Variants in GNG7 observed in about 807,000 individuals in gnomAD.
GNG7 encodes G protein subunit gamma 7.
GNG7 carries 1 observed loss-of-function variant against 4.0 expected under a neutral mutation model. That is an observed-to-expected ratio of 0.25 (90% CI 0.09 to 1.18). The LOEUF (loss-of-function observed/expected upper bound fraction) is 1.18. GNG7 is among the 50% of genes most tolerant of loss of function. The pLI, the probability that GNG7 is intolerant of heterozygous loss-of-function variation, is 0.50. For synonymous variants in GNG7, 34 were observed against 36.9 expected, an observed-to-expected ratio of 0.92 and a Z score of 0.29; for missense variants, 86 against 91.9, an observed-to-expected ratio of 0.94 and a Z score of 0.26.
intron 1 of GNG7, among the ~76,000 whole-genome samples, chr19:2,670,964 A>AG (rs1388976261): frequency 6.6e-6 from 1 of 152,034 alleles, no homozygotes; most frequent in East Asian, 1.9e-4. Flanking sequence ...GGAGGGAGAG[A>AG]GGGGGTGAAT....
chr19:2,679,878 C>T (rs1276982921), intron 1 of GNG7, among the ~76,000 whole-genome samples: 1 of 152,120 alleles, frequency 6.6e-6, no homozygotes, highest in Non-Finnish European at 1.5e-5. Flanking sequence ...CTCAGTAGTC[C>T]CAGATGTGAA....
chr19:2,661,155 G>A (rs1983133567), intron 1 of GNG7, among the ~76,000 whole-genome samples: 1 of 147,580 alleles, frequency 6.8e-6, no homozygotes, highest in African/African-American at 2.5e-5. Flanking sequence ...AGGTTGCAGT[G>A]AGCCAAGATC....
intron 3 of GNG7, among the ~76,000 whole-genome samples, chr19:2,530,080 G>C (rs1341799690): frequency 6.6e-6 from 1 of 152,246 alleles, no homozygotes; most frequent in Non-Finnish European, 1.5e-5. Context: ...TGGATTAGCA[G>C]CTAAGGACAA....
intron 2 of GNG7, among the ~76,000 whole-genome samples, chr19:2,595,952 C>T (rs1981005598): frequency 6.6e-6 from 1 of 152,052 alleles, no homozygotes; most frequent in African/African-American, 2.4e-5. Context: ...CGGCTCTGTC[C>T]ATCAACGACC....
intron 2 of GNG7, among the ~76,000 whole-genome samples, chr19:2,561,087 C>T (rs1406989264): frequency 6.6e-6 from 1 of 152,156 alleles, no homozygotes; most frequent in Non-Finnish European, 1.5e-5. Flanking sequence ...GGACTCACCT[C>T]CTCTCTCCCT....
At chr19:2,635,096 G>A (rs1013552298) in intron 2 of GNG7, among the ~76,000 whole-genome samples, 97 of 152,354 alleles carry the variant, frequency 6.4e-4, no homozygotes, top group African/African-American at 2.3e-3. Context: ...GGCACTGCAG[G>A]CTGCTGAGCA....
At chr19:2,533,200 A>C (rs1270851169) in intron 3 of GNG7, among the ~76,000 whole-genome samples, 2 of 149,340 alleles carry the variant, frequency 1.3e-5, no homozygotes, top group Non-Finnish European at 3.0e-5. Flanking sequence ...TACATTATTC[A>C]ATATTAAATA....
chr19:2,542,881 C>CT (rs60152060), intron 3 of GNG7, among the ~76,000 whole-genome samples: 11,004 of 118,272 alleles, frequency 0.093, 696 homozygotes, highest in African/African-American at 0.17. Flanking sequence ...TGCTGTTTTC[C>CT]TTTTTTTTTT....
intron 2 of GNG7, among the ~76,000 whole-genome samples, chr19:2,624,267 C>T (rs1309475572): frequency 1.3e-5 from 2 of 152,132 alleles, no homozygotes; most frequent in Non-Finnish European, 2.9e-5. Context: ...CGGTGGCTCA[C>T]GCCTGTAATC....
intron 1 of GNG7, among the ~76,000 whole-genome samples, chr19:2,667,736 G>A (rs950318664): frequency 6.1e-4 from 93 of 152,168 alleles, no homozygotes; most frequent in African/African-American, 2.0e-3. Context: ...CCAACATGGT[G>A]AAACCCCGTC....
At position 2,614,545 on chromosome 19, in the gene GNG7, G is replaced by A. The variant is rs538244725; in HGVS notation, c.-78+31679C>T. ...TCATAGAAATAGGATGACACACTGTGTGGCCTTTTGGATCTGGCATCTCTC... is the reference window on the plus strand; with the variant it reads ...TCATAGAAATAGGATGACACACTGTATGGCCTTTTGGATCTGGCATCTCTC... On this transcript the variant is annotated intron_variant, in intron 2 of 4. Coordinates refer to ENST00000382159, the MANE Select transcript of GNG7 (RefSeq NM_052847.3). The surrounding 1 kb of genome is among the most constrained non-coding windows in gnomAD (Gnocchi z 6.0). Among the ~76,000 whole-genome samples, 2 of 152,180 alleles carry A rather than the reference G, an allele frequency of 1.3e-5. No homozygotes were observed. Among genetic ancestry groups the A allele is most frequent in the Non-Finnish European group, 2.9e-5 (2 of 68,024 alleles).
intron 4 of GNG7, among the ~76,000 whole-genome samples, chr19:2,520,342 G>A (rs1315171707): frequency 6.6e-6 from 1 of 152,228 alleles, no homozygotes; most frequent in Non-Finnish European, 1.5e-5. Context: ...AAAGCGCTCT[G>A]TCACGATGAC....
In GNG7 at chr19:2,514,447, G is replaced by T. The variant is rs1972698694; in HGVS notation, c.*575C>A. On this transcript the variant is annotated 3_prime_UTR_variant, in exon 5 of 5. Transcript: ENST00000382159. ...GCGACGGGTTCAACCATCACAATCC[G>T]AGTTTAGCCGTATGGAGTAACAATT... The T allele has an allele frequency of 6.5e-6, 1 of 153,208 alleles. No homozygotes were observed. Among genetic ancestry groups the T allele is most frequent in the Non-Finnish European group, 1.5e-5 (1 of 68,964 alleles). The allele number at this position is 153,208 out of a possible 1,614,324, so 9.5% of individuals were successfully genotyped here.
intron 3 of GNG7, among the ~76,000 whole-genome samples, chr19:2,540,073 C>CCTCT (rs3049063): frequency 7.0e-5 from 9 of 129,024 alleles, no homozygotes; most frequent in African/African-American, 1.5e-4. Flanking sequence ...CTCCTCCCTC[C>CCTCT]CTCTCTCTCT....
chr19:2,691,989 G>T (rs540772075), intron 1 of GNG7, among the ~76,000 whole-genome samples: 2 of 152,206 alleles, frequency 1.3e-5, no homozygotes, highest in Admixed American at 6.5e-5. Context: ...GAGCCCCCAG[G>T]GGGTGGGGGA....
In GNG7 at chr19:2,563,337, G is replaced by A. The variant is rs889058059; in HGVS notation, c.-77-8149C>T. Among the ~76,000 whole-genome samples the A allele has an allele frequency of 3.9e-5, 6 of 152,234 alleles. No individual in the cohort carries two copies. In the East Asian group the frequency reaches 7.7e-4, roughly 20 times the overall value. The stretch of plus-strand genomic sequence containing the variant: ...CATTCTCTGGGGTGGGGCCGTCCTC[G>A]GCACTGTAGGCTGCTGAGCAGCGTC... On this transcript the variant is annotated intron_variant, in intron 2 of 4. Coordinates refer to ENST00000382159, the MANE Select transcript of GNG7 (RefSeq NM_052847.3).
intron 1 of GNG7, among the ~76,000 whole-genome samples, chr19:2,681,042 G>A (rs559664906): frequency 1.9e-4 from 29 of 152,160 alleles, no homozygotes; most frequent in African/African-American, 4.8e-4. Flanking sequence ...GAGGACTGAC[G>A]CGGAGCATGT....
intron 4 of GNG7, among the ~76,000 whole-genome samples, chr19:2,520,092 A>G (rs375375353): frequency 6.6e-6 from 1 of 152,212 alleles, no homozygotes; most frequent in African/African-American, 2.4e-5. Context: ...GAGGCAGAAG[A>G]ATTGCTTGAA....
intron 2 of GNG7, among the ~76,000 whole-genome samples, chr19:2,645,544 CCTAA>C (rs2144860147): frequency 6.7e-6 from 1 of 150,082 alleles, no homozygotes; most frequent in African/African-American, 2.5e-5. Flanking sequence ...TGGCCAAAAC[CCTAA>C]CTCTTAAAAA....
Sources: allele counts gnomAD v4.1 joint callset (sites outside exome capture counted in the v4.1 genomes callset), GRCh38; gene constraint gnomAD v4.1.1; non-coding constraint Gnocchi (gnomAD v3.1); transcripts MANE v1.5; gene names NCBI Gene and HGNC (gene_info 2026-07-23, HGNC 2026-07-21).